The following SIGLEC15 variants were observed in gnomAD, a reference collection of about 807,000 sequenced individuals.
SIGLEC15 encodes sialic acid-binding Ig-like lectin 15.
In SIGLEC15, 31 loss-of-function variants were observed where a neutral mutation model predicts 26.2. The observed-to-expected ratio is 1.18, with a 90% CI of 0.89 to 1.60. SIGLEC15 has a LOEUF of 1.60. Ranked by LOEUF, SIGLEC15 falls within the 40% of genes most tolerant of loss-of-function variation. The pLI, the probability that SIGLEC15 is intolerant of heterozygous loss-of-function variation, is 0.00. For missense variants in SIGLEC15, 501 were observed against 488.4 expected (o/e 1.03, Z -0.24); for synonymous variants, 207 against 221.9 (o/e 0.93, Z 0.60).
intron 5 of SIGLEC15, among the ~76,000 whole-genome samples, chr18:45,841,876 C>T (rs577124627): frequency 6.6e-6 from 1 of 152,270 alleles, no homozygotes; most frequent in African/African-American, 2.4e-5. Context: ...GTCTTGAGGC[C>T]TCAGACAGAG....
chr18:45,828,999 G>A (rs1568077330), intron 1 of SIGLEC15: 1 of 752,752 alleles, frequency 1.3e-6, no homozygotes, highest in Non-Finnish European at 1.6e-6. Context: ...TGCTTGAACT[G>A]AGGAAGTCCT....
intron 1 of SIGLEC15, among the ~76,000 whole-genome samples, chr18:45,834,728 A>C (rs2048262465): frequency 6.6e-6 from 1 of 152,238 alleles, no homozygotes; most frequent in Admixed American, 6.5e-5. Flanking sequence ...CCTGGCATAA[A>C]GTGGGGAAGT....
At chr18:45,837,421 G>C (rs1378725765) in intron 2 of SIGLEC15, 92 bp from the exon 3 acceptor site, 17 of 1,386,908 alleles carry the variant, frequency 1.2e-5, no homozygotes, top group Non-Finnish European at 1.6e-5. Flanking sequence ...GGGGTTGGGG[G>C]AGCGTTTCCT....
In SIGLEC15 at chr18:45,825,751, T is replaced by C. The variant is rs751882312; in HGVS notation, c.23T>C (p.Leu8Pro). The C allele has an allele frequency of 2.5e-6, 4 of 1,614,238 alleles. No individual in the cohort carries two copies. The South Asian group carries it at 4.4e-5, about 18-fold the overall frequency. Residue 8 changes from leucine to proline, a missense_variant, in exon 1 of 6, where the codon CTG (leucine) becomes CCG (proline). Coordinates refer to ENST00000389474, the MANE Select transcript of SIGLEC15 (RefSeq NM_213602.3). ...AGCATGGAAAAGTCCATCTGGCTGC[T>C]GGCCTGCTTGGCGTGGGTTCTCCCG... MEKSIWL[L>P]ACLAWVLPTG...
chr18:45,833,299 A>G (rs2048249693), intron 1 of SIGLEC15, among the ~76,000 whole-genome samples: 3 of 151,986 alleles, frequency 2.0e-5, no homozygotes, highest in African/African-American at 7.3e-5. Context: ...GTTGTTGTGC[A>G]TTTTACTTTT....
At chr18:45,834,753 T>C (rs569937073) in intron 1 of SIGLEC15, among the ~76,000 whole-genome samples, 3 of 152,328 alleles carry the variant, frequency 2.0e-5, no homozygotes, top group Admixed American at 2.0e-4. Context: ...AATACATGTT[T>C]GCTGAATTGA....
chr18:45,834,465 G>A (rs2048260356), intron 1 of SIGLEC15, among the ~76,000 whole-genome samples: 1 of 152,234 alleles, frequency 6.6e-6, no homozygotes, highest in African/African-American at 2.4e-5. Context: ...CCCTAGGCTT[G>A]GGGCTCAGGG....
At chr18:45,836,917 C>T (rs548451781) in intron 1 of SIGLEC15, 112 bp from the exon 2 acceptor site, 27 of 686,198 alleles carry the variant, frequency 3.9e-5, no homozygotes, top group Non-Finnish European at 6.5e-5. Flanking sequence ...TAGAGTGAGG[C>T]GATCCTGAAC....
chr18:45,829,027 G>A, intron 1 of SIGLEC15: 1 of 924,604 alleles, frequency 1.1e-6, no homozygotes, highest in Non-Finnish European at 1.3e-6. Flanking sequence ...GCGGGAAGGG[G>A]AGGAGTGAAG....
intron 5 of SIGLEC15, among the ~76,000 whole-genome samples, 156 bp downstream of exon 5, chr18:45,840,397 C>A (rs1367623145): frequency 6.6e-6 from 1 of 152,108 alleles, no homozygotes; most frequent in African/African-American, 2.4e-5. Flanking sequence ...CACCAAGGCA[C>A]CCCTCTTGCA....
At chr18:45,841,633 C>A (rs1170896288) in intron 5 of SIGLEC15, among the ~76,000 whole-genome samples, 3 of 152,116 alleles carry the variant, frequency 2.0e-5, no homozygotes, top group South Asian at 4.1e-4. Flanking sequence ...GGGCAGCACA[C>A]AGTGTGAGAG....
chr18:45,829,564 G>A (rs114105379), intron 1 of SIGLEC15, among the ~76,000 whole-genome samples: 2,871 of 152,246 alleles, frequency 0.019, 98 homozygotes, highest in African/African-American at 0.066. Context: ...GTCTCTCCTT[G>A]CCCTCAAAAT....
In SIGLEC15 at chr18:45,837,103, T is replaced by C. The variant is rs766829642; in HGVS notation, c.112+15T>C. On this transcript the variant is annotated intron_variant, in intron 2 of 5. Transcript: ENST00000389474. ...AGAGGTGCACAGTAAGTGCTTTTAT[T>C]ATTATCACCATCTCGGGGATCTTGG... The C allele has an allele frequency of 4.3e-6, 7 of 1,612,764 alleles. No homozygotes were observed. In the African/African-American group the frequency reaches 9.3e-5, roughly 22 times the overall value.
intron 1 of SIGLEC15, chr18:45,828,998 TGAGG>T (rs773037148): frequency 4.3e-5 from 32 of 745,328 alleles, no homozygotes; most frequent in Non-Finnish European, 4.9e-5. Context: ...TTGCTTGAAC[TGAGG>T]AAGTCCTATC....
chr18:45,827,716 C>T (rs1398749339), intron 1 of SIGLEC15, among the ~76,000 whole-genome samples: 12 of 152,124 alleles, frequency 7.9e-5, no homozygotes, highest in African/African-American at 2.4e-5. Context: ...AGTGGCCGCA[C>T]GATAAATAAT....
intron 1 of SIGLEC15, among the ~76,000 whole-genome samples, chr18:45,834,962 G>T (rs1301957694): frequency 6.6e-6 from 1 of 152,140 alleles, no homozygotes; most frequent in African/African-American, 2.4e-5. Context: ...CCTTCAGACA[G>T]GGTTTCTCAA....
intron 1 of SIGLEC15, among the ~76,000 whole-genome samples, chr18:45,832,065 C>T (rs2048240402): frequency 6.6e-6 from 1 of 152,214 alleles, no homozygotes; most frequent in Non-Finnish European, 1.5e-5. Flanking sequence ...TCACCCTGAG[C>T]ACTTTCCCAC....
chr18:45,838,450 C>A, intron 3 of SIGLEC15: 1 of 530,288 alleles, frequency 1.9e-6, no homozygotes, highest in Non-Finnish European at 3.2e-6. Context: ...GGGACCTAGT[C>A]CAAGCACCCA....
Position 45,837,670 on chromosome 18 carries a change from G to A in SIGLEC15, c.270G>A (p.Pro90=), listed in dbSNP as rs1263769273. ...GCGCGGGCGAGCCCTATGCGGGCCC[G>A]CAGGTGTTCCGCTGCGCTGCGGCGC... ...IWRAGEPYAG[P]QVFRCAAARG... Residue 90 remains proline (P), a synonymous_variant, in exon 3 of 6, where the codon CCG becomes CCA. Transcript: ENST00000389474. The A allele has an allele frequency of 2.7e-6, 4 of 1,493,128 alleles. No homozygotes were observed. The Admixed American group carries it at 6.6e-5, about 25-fold the overall frequency. The allele number at this position is 1,493,128 out of a possible 1,614,324, so 92.5% of individuals were successfully genotyped here.
Sources: allele counts gnomAD v4.1 joint callset (sites outside exome capture counted in the v4.1 genomes callset), GRCh38; gene constraint gnomAD v4.1.1; transcripts MANE v1.5; gene names NCBI Gene and HGNC (gene_info 2026-07-23, HGNC 2026-07-21).